The following NALF1 variants were observed in gnomAD, a reference collection of about 807,000 sequenced individuals.
NALF1 encodes NALCN channel auxiliary factor 1, also known as family with sequence similarity 155 member A.
Under a neutral mutation model 48.4 loss-of-function variants are expected in NALF1, and 3 were observed. The observed-to-expected ratio is 0.06, with a 90% CI of 0.03 to 0.16. The LOEUF (loss-of-function observed/expected upper bound fraction) is 0.16. Ranked by LOEUF, NALF1 falls within the 10% of genes least tolerant of loss-of-function variation. The pLI, the probability that NALF1 is intolerant of heterozygous loss-of-function variation, is 1.00. For missense variants in NALF1, 526 were observed against 571.5 expected (o/e 0.92, Z 0.81); for synonymous variants, 262 against 245.7 (o/e 1.07, Z -0.62).
rs147874978 is a variant in NALF1, at chr13:107,402,669, A to G, written c.916-191914T>C. ...AAATACATTTTCATTGAGAGATGCC[A>G]CTGAAAAATACAGGCTTTGGAGTCA... is the stretch of plus-strand genomic sequence containing the variant. On this transcript the variant is annotated intron_variant, in intron 1 of 2. Coordinates refer to ENST00000375915, the MANE Select transcript of NALF1 (RefSeq NM_001080396.3). 3.2e-3 allele frequency among the ~76,000 whole-genome samples: 486 copies of G among 152,264 alleles called. 4 individuals are homozygous for G. The highest frequency in any genetic ancestry group is 0.01 in the African/African-American group (435 of 41,558).
chr13:107,718,640 T>G (rs1320053266), intron 1 of NALF1, among the ~76,000 whole-genome samples: 4 of 152,168 alleles, frequency 2.6e-5, no homozygotes, highest in Non-Finnish European at 5.9e-5. Flanking sequence ...AGCTGCCCCA[T>G]GTAGTTGAAA....
intron 1 of NALF1, among the ~76,000 whole-genome samples, chr13:107,514,129 A>T (rs1875981277): frequency 1.3e-5 from 2 of 152,298 alleles, no homozygotes; most frequent in Non-Finnish European, 2.9e-5. Flanking sequence ...AATGCTACGT[A>T]AGCTGGAATT....
At chr13:107,516,255 C>T (rs1253062657) in intron 1 of NALF1, among the ~76,000 whole-genome samples, 4 of 151,966 alleles carry the variant, frequency 2.6e-5, no homozygotes, top group Non-Finnish European at 5.9e-5. Flanking sequence ...AGAACGCAGA[C>T]GTGGAGAAAG....
chr13:107,396,054 GA>G (rs1883706272), intron 1 of NALF1, among the ~76,000 whole-genome samples: 1 of 152,148 alleles, frequency 6.6e-6, no homozygotes, highest in Non-Finnish European at 1.5e-5. Flanking sequence ...CTGAAGACTG[GA>G]AGTCCAGGTT....
intron 1 of NALF1, among the ~76,000 whole-genome samples, chr13:107,323,772 T>C (rs1882299963): frequency 6.6e-6 from 1 of 152,192 alleles, no homozygotes; most frequent in South Asian, 2.1e-4. Flanking sequence ...CTTATGTTTA[T>C]CCTTCCTTCT....
intron 1 of NALF1, among the ~76,000 whole-genome samples, chr13:107,819,119 T>G (rs1416780870): frequency 6.6e-6 from 1 of 152,180 alleles, no homozygotes; most frequent in Non-Finnish European, 1.5e-5. Context: ...GTAAATACTT[T>G]ATAGCTCTAA....
chr13:107,802,433 TTTATAAA>T (rs1878647613), intron 1 of NALF1, among the ~76,000 whole-genome samples: 1 of 152,220 alleles, frequency 6.6e-6, no homozygotes. Context: ...AATCATATTA[TTTATAAA>T]TTATGGCCTT....
intron 1 of NALF1, among the ~76,000 whole-genome samples, chr13:107,452,507 G>A (rs1884759144): frequency 6.6e-6 from 1 of 152,178 alleles, no homozygotes; most frequent in African/African-American, 2.4e-5. Context: ...CATGAGAACA[G>A]CATGAAGGTA....
At chr13:107,591,366 ACTT>A (rs1878598869) in intron 1 of NALF1, among the ~76,000 whole-genome samples, 2 of 152,126 alleles carry the variant, frequency 1.3e-5, no homozygotes, top group East Asian at 3.9e-4. Context: ...CAGCATTGAG[ACTT>A]CTTCAGAGAC....
At chr13:107,332,589 T>A (rs1882489354) in intron 1 of NALF1, among the ~76,000 whole-genome samples, 1 of 152,320 alleles carries the variant, frequency 6.6e-6, no homozygotes, top group Middle Eastern at 3.4e-3. Context: ...TGAATTCCAA[T>A]CTGCTTTCAA....
At chr13:107,779,228 A>C (rs933194285) in intron 1 of NALF1, among the ~76,000 whole-genome samples, 1 of 152,244 alleles carries the variant, frequency 6.6e-6, no homozygotes, top group Non-Finnish European at 1.5e-5. Flanking sequence ...TTCTTATAAA[A>C]TTAATTCTAA....
chr13:107,306,104 T>C (rs989646352), intron 1 of NALF1, among the ~76,000 whole-genome samples: 4 of 152,316 alleles, frequency 2.6e-5, no homozygotes, highest in South Asian at 4.1e-4. Flanking sequence ...TACTTCTTTA[T>C]ATATGTTTGA....
chr13:107,826,259 G>A (rs997006902), intron 1 of NALF1, among the ~76,000 whole-genome samples: 1 of 152,158 alleles, frequency 6.6e-6, no homozygotes, highest in African/African-American at 2.4e-5. Flanking sequence ...TTCTGTGTAG[G>A]TGCCAGAACA....
In NALF1 at chr13:107,337,078, T is replaced by A. The variant is rs561310252; in HGVS notation, c.916-126323A>T. ...AAAAAAAAAAAAAAAAAAAAAAAAA[T>A]GTCAGAAGAAAAGAGACTCTTTAGG... On this transcript the variant is annotated intron_variant, in intron 1 of 2. Coordinates refer to ENST00000375915, the MANE Select transcript of NALF1 (RefSeq NM_001080396.3). Among the ~76,000 whole-genome samples, 459 of 100,016 alleles carry A rather than the reference T, an allele frequency of 4.6e-3. 2 individuals are homozygous for A. The highest frequency in any genetic ancestry group is 7.9e-3 in the South Asian group (25 of 3,146). The allele number at this position is 100,016 out of a possible 152,430, so 65.6% of individuals were successfully genotyped here.
At chr13:107,422,874 G>A (rs1263047532) in intron 1 of NALF1, among the ~76,000 whole-genome samples, 4 of 152,178 alleles carry the variant, frequency 2.6e-5, no homozygotes, top group African/African-American at 9.7e-5. Flanking sequence ...GACAGATGCT[G>A]TTCCTGGCTG....
At chr13:107,296,367 C>T (rs1159631819) in intron 1 of NALF1, among the ~76,000 whole-genome samples, 1 of 152,080 alleles carries the variant, frequency 6.6e-6, no homozygotes, top group East Asian at 1.9e-4. Context: ...AATTTGTTCA[C>T]AGCTTATTTT....
chr13:107,213,165 C>T (rs976778072), intron 1 of NALF1, among the ~76,000 whole-genome samples: 6 of 138,274 alleles, frequency 4.3e-5, no homozygotes, highest in African/African-American at 1.6e-4. Context: ...GGAACATATC[C>T]ATTTTTATTC....
intron 1 of NALF1, among the ~76,000 whole-genome samples, chr13:107,274,401 T>A (rs1046655985): frequency 2.6e-5 from 4 of 151,980 alleles, no homozygotes; most frequent in South Asian, 4.1e-4. Context: ...TGGGACCCCA[T>A]CTCTACCAAA....
chr13:107,848,333 A>G (rs192322206), intron 1 of NALF1, among the ~76,000 whole-genome samples: 1 of 152,334 alleles, frequency 6.6e-6, no homozygotes, highest in African/African-American at 2.4e-5. Flanking sequence ...CTTTTCTCCT[A>G]AAGAACGACA....
Sources: allele counts gnomAD v4.1 joint callset (sites outside exome capture counted in the v4.1 genomes callset), GRCh38; gene constraint gnomAD v4.1.1; transcripts MANE v1.5; gene names NCBI Gene and HGNC (gene_info 2026-07-23, HGNC 2026-07-21).